GPR158: variants seen among roughly 807,000 people sequenced by gnomAD.
GPR158 encodes the protein G protein-coupled receptor 158, also known as metabotropic glycine receptor.
GPR158 carries 30 observed loss-of-function variants against 78.2 expected under a neutral mutation model. The observed-to-expected ratio is 0.38, with a 90% CI of 0.29 to 0.52. The LOEUF (loss-of-function observed/expected upper bound fraction) is 0.52. Among genes scored for constraint, GPR158 ranks in the 20% least tolerant of loss-of-function variants. The pLI is 0.83. For missense variants in GPR158, 1,463 were observed against 1,523.5 expected (o/e 0.96, Z 0.66); for synonymous variants, 581 against 591.1 (o/e 0.98, Z 0.25).
At chr10:25,507,291 C>T (rs1019821001) in intron 5 of GPR158, among the ~76,000 whole-genome samples, 2 of 152,182 alleles carry the variant, frequency 1.3e-5, no homozygotes, top group African/African-American at 4.8e-5. Context: ...TATTTTTGAA[C>T]AGCACTAAAG....
chr10:25,391,609 G>C (rs1453090302), intron 2 of GPR158, among the ~76,000 whole-genome samples: 2 of 152,208 alleles, frequency 1.3e-5, no homozygotes, highest in Admixed American at 1.3e-4. Flanking sequence ...CCCAATGCCT[G>C]TAACCCCATT....
At chr10:25,492,480 T>G (rs1287088022) in intron 5 of GPR158, among the ~76,000 whole-genome samples, 1 of 152,108 alleles carries the variant, frequency 6.6e-6, no homozygotes, top group African/African-American at 2.4e-5. Context: ...CACTGTATGT[T>G]CCAATTAGTG....
chr10:25,291,483 C>T (rs1190802383), intron 2 of GPR158, among the ~76,000 whole-genome samples: 1 of 151,978 alleles, frequency 6.6e-6, no homozygotes. Context: ...TTCAACATCA[C>T]TCTAATGTCA....
At chr10:25,570,161 TATTA>T (rs925622617) in intron 6 of GPR158, among the ~76,000 whole-genome samples, 5 of 152,166 alleles carry the variant, frequency 3.3e-5, no homozygotes, top group African/African-American at 1.2e-4. Flanking sequence ...CTGGCAAAAA[TATTA>T]ATTTTCCAAG....
chr10:25,378,589 C>A (rs1363577112), intron 2 of GPR158, among the ~76,000 whole-genome samples: 1 of 148,342 alleles, frequency 6.7e-6, no homozygotes, highest in Non-Finnish European at 1.5e-5. Flanking sequence ...TATTATTTAA[C>A]TTTTCCTTCT....
intron 2 of GPR158, among the ~76,000 whole-genome samples, chr10:25,379,126 A>G (rs1468110186): frequency 6.6e-6 from 1 of 152,172 alleles, no homozygotes; most frequent in Admixed American, 6.5e-5. Flanking sequence ...ATTTCAATAT[A>G]CGTCTTAAAT....
chr10:25,395,814 A>G (rs537188691), intron 2 of GPR158, 97 bp from the exon 3 acceptor site: 3 of 550,970 alleles, frequency 5.4e-6, no homozygotes, highest in African/African-American at 3.9e-5. Flanking sequence ...AAAATGTGTT[A>G]GTTTTCTGTT....
Position 25,241,413 on chromosome 10 carries a change from T to TCTCTTCTCTTCTC in GPR158, c.1008+20256_1008+20257insCTCTTCTCTTCTC, listed in dbSNP as rs1564399845. Among the ~76,000 whole-genome samples the TCTCTTCTCTTCTC allele has an allele frequency of 1.4e-4, 20 of 138,538 alleles. 1 individual carries two copies. The highest frequency in any genetic ancestry group is 5.6e-4 in the African/African-American group (18 of 32,104). 90.9% of individuals were successfully genotyped at this position (138,538 alleles called of 152,430 possible). On this transcript the variant is annotated intron_variant, in intron 2 of 10. Transcript: ENST00000376351. ...TCTCTTCTCTTCTCTTCTCTTCTCTTTTCTTTTCTTTTCTTTTCTTTTCTT... is the reference window on the plus strand; with the variant it reads ...TCTCTTCTCTTCTCTTCTCTTCTCTTCTCTTCTCTTCTCTTCTTTTCTTTTCTTTTCTTTTCTT...
intron 2 of GPR158, among the ~76,000 whole-genome samples, chr10:25,322,438 G>T (rs1330948674): frequency 2.0e-5 from 3 of 151,984 alleles, no homozygotes; most frequent in African/African-American, 7.2e-5. Flanking sequence ...ATCCTTAGAT[G>T]AATTGTTTTA....
rs148200555 is a variant in GPR158, at chr10:25,564,123, A to G, written c.1515-8526A>G. Among the ~76,000 whole-genome samples the G allele has an allele frequency of 4.2e-3, 645 of 152,244 alleles. 3 individuals are homozygous for G. Among genetic ancestry groups the G allele is most frequent in the Non-Finnish European group, 6.0e-3 (410 of 68,032 alleles). ...CTGTTGGGTTAGTAGTCAGCTGGTA[A>G]TTCAACAGAGATTTTCATAAAGCTT... On this transcript the variant is annotated intron_variant, in intron 6 of 10. Transcript: ENST00000376351.
rs191713071 is a variant in GPR158, at chr10:25,433,387, A to T, written c.1335+20914A>T. On this transcript the variant is annotated intron_variant, in intron 4 of 10. Coordinates refer to ENST00000376351, the MANE Select transcript of GPR158 (RefSeq NM_020752.3). ...TTGCTGGATGCCTATAGCAAACTGA[A>T]TAAATTAAGTTCTTCCATAGCACCA... 3.5e-4 allele frequency among the ~76,000 whole-genome samples: 53 copies of T among 152,256 alleles called. 1 individual carries two copies. The East Asian group carries it at 6.6e-3, about 19-fold the overall frequency.
At chr10:25,433,690 C>CTTTTTTTTTTTTTTTTTTTTT (rs776105443) in intron 4 of GPR158, among the ~76,000 whole-genome samples, 1 of 93,256 alleles carries the variant, frequency 1.1e-5, no homozygotes, top group African/African-American at 3.7e-5. Context: ...TTCTTTCTTT[C>CTTTTTTTTTTTTTTTTTTTTT]TTTCTTTTTT....
chr10:25,581,722 C>G (rs1241627459), intron 7 of GPR158, among the ~76,000 whole-genome samples: 2 of 152,150 alleles, frequency 1.3e-5, no homozygotes, highest in Non-Finnish European at 2.9e-5. Flanking sequence ...AGGCAGATCA[C>G]TAGTCAAAGC....
intron 2 of GPR158, among the ~76,000 whole-genome samples, chr10:25,289,632 C>T (rs1854405395): frequency 6.6e-6 from 1 of 151,992 alleles, no homozygotes; most frequent in South Asian, 2.1e-4. Context: ...TGGAGTTTCA[C>T]TGTGGTCTCA....
chr10:25,471,263 C>T (rs1377259157), intron 5 of GPR158, among the ~76,000 whole-genome samples: 6 of 152,130 alleles, frequency 3.9e-5, no homozygotes, highest in Admixed American at 3.9e-4. Flanking sequence ...CCAGCTTCAT[C>T]CATGCCCCTG....
chr10:25,354,355 CAAA>C (rs34409947), intron 2 of GPR158, among the ~76,000 whole-genome samples: 3 of 111,356 alleles, frequency 2.7e-5, no homozygotes, highest in Admixed American at 9.8e-5. Flanking sequence ...AACTCAGTCT[CAAA>C]AAAAAAAAAA....
intron 2 of GPR158, among the ~76,000 whole-genome samples, chr10:25,283,192 T>G (rs1854300934): frequency 6.6e-6 from 1 of 152,180 alleles, no homozygotes; most frequent in East Asian, 1.9e-4. Context: ...TCACCAGGTA[T>G]AGCACTCTTA....
chr10:25,362,831 C>A (rs1320763388), intron 2 of GPR158, among the ~76,000 whole-genome samples: 1 of 151,786 alleles, frequency 6.6e-6, no homozygotes, highest in Non-Finnish European at 1.5e-5. Context: ...TCTAACAGAT[C>A]GACCTCATCC....
In GPR158 at chr10:25,503,678, T is replaced by G. The variant is rs146919715; in HGVS notation, c.1404+36959T>G. Among the ~76,000 whole-genome samples the G allele has an allele frequency of 3.6e-3, 546 of 152,238 alleles. 1 individual carries two copies. The highest frequency in any genetic ancestry group is 0.011 in the African/African-American group (470 of 41,538). On this transcript the variant is annotated intron_variant, in intron 5 of 10. Coordinates refer to ENST00000376351, the MANE Select transcript of GPR158 (RefSeq NM_020752.3). ...CTGTGATCTCAGGTTGCAGTTTTTG[T>G]TTACTGCATGTCACATGATTGAAAA...
Sources: gnomAD v4.1 joint callset for allele counts (sites outside exome capture counted in the v4.1 genomes callset) on GRCh38, gnomAD v4.1.1 for gene constraint, MANE v1.5 for transcripts, NCBI Gene and HGNC (gene_info 2026-07-23, HGNC 2026-07-21) for gene names.